ARCN1: variants seen among roughly 807,000 people sequenced by gnomAD.
ARCN1 encodes the protein archain 1 coat protein complex I subunit delta.
In ARCN1, 5 loss-of-function variants were observed where a neutral mutation model predicts 60.4. The ratio of observed to expected loss-of-function variants is 0.08; its 90% CI spans 0.04 to 0.17. The LOEUF (loss-of-function observed/expected upper bound fraction) is 0.17. ARCN1 is among the 10% of genes least tolerant of loss of function. The pLI, the probability that ARCN1 is intolerant of heterozygous loss-of-function variation, is 1.00. For missense variants in ARCN1, 464 were observed against 626.5 expected (o/e 0.74, Z 2.77); for synonymous variants, 224 against 220.0 (o/e 1.02, Z -0.16).
At chr11:118,573,377 G>C (rs1555072832) in intron 1 of ARCN1, among the ~76,000 whole-genome samples, 1 of 152,094 alleles carries the variant, frequency 6.6e-6, no homozygotes, top group Non-Finnish European at 1.5e-5. Flanking sequence ...GCCTTCCCAT[G>C]CGTTATCTTT....
chr11:118,592,557 G>A (rs1180992190), intron 6 of ARCN1, 152 bp from the exon 7 acceptor site: 1 of 530,022 alleles, frequency 1.9e-6, no homozygotes, highest in Non-Finnish European at 3.2e-6. Flanking sequence ...ATAAGTCTTT[G>A]AAGAAGGGAA....
intron 1 of ARCN1, chr11:118,573,831 G>T: frequency 2.1e-6 from 1 of 476,498 alleles, no homozygotes. Context: ...TTTTTGTGTT[G>T]GACACAAAAT....
chr11:118,594,305 G>T (rs1938978536), intron 8 of ARCN1, among the ~76,000 whole-genome samples: 1 of 152,030 alleles, frequency 6.6e-6, no homozygotes, highest in Non-Finnish European at 1.5e-5. Context: ...TTGCTGTGTT[G>T]TGCAGGCTGA....
At chr11:118,573,432 G>A (rs1938404637) in intron 1 of ARCN1, among the ~76,000 whole-genome samples, 1 of 152,168 alleles carries the variant, frequency 6.6e-6, no homozygotes, top group Non-Finnish European at 1.5e-5. Flanking sequence ...ATGTGGTTGA[G>A]GATGGAGGAA....
intron 2 of ARCN1, 60 bp from the exon 3 acceptor site, chr11:118,583,118 CT>C (rs1938697240): frequency 6.4e-7 from 1 of 1,557,658 alleles, no homozygotes; most frequent in Non-Finnish European, 8.8e-7. Context: ...AAGGATAAGA[CT>C]TGGAAATATA....
chr11:118,593,664 G>T lies in ARCN1; in HGVS notation c.1207G>T (p.Glu403Ter). ...ATATGAGCTACAAGAAGATAATTTAGAACTGAATGATGTGGTTATCACCAT... is the reference window on the plus strand; with the variant it reads ...ATATGAGCTACAAGAAGATAATTTATAACTGAATGATGTGGTTATCACCAT... Reference protein sequence around the residue: ...IEYELQEDNLELNDVVITIPL... With the variant: ...IEYELQEDNL Residue 403 changes from glutamate to a stop codon, truncating the protein, a stop_gained, in exon 8 of 10, where the codon GAA becomes TAA. Transcript: ENST00000264028. LOFTEE classifies it high-confidence loss of function. 2 of 1,613,382 alleles carry T rather than the reference G, an allele frequency of 1.2e-6. No homozygotes were observed. The highest frequency in any genetic ancestry group is 2.2e-5 in the South Asian group (2 of 91,040).
At chr11:118,581,112 C>T (rs1938639655) in intron 1 of ARCN1, 134 bp from the exon 2 acceptor site, 1 of 1,153,382 alleles carries the variant, frequency 8.7e-7, no homozygotes, top group Non-Finnish European at 1.2e-6. Flanking sequence ...AGAGTGAGAC[C>T]CTGTCTTAAA....
At chr11:118,576,229 C>T (rs539990013) in intron 1 of ARCN1, among the ~76,000 whole-genome samples, 1 of 151,044 alleles carries the variant, frequency 6.6e-6, no homozygotes, top group Non-Finnish European at 1.5e-5. Flanking sequence ...TTATTTAGTC[C>T]AAAGATAGTG....
chr11:118,600,715 T>C lies in ARCN1; in HGVS notation c.*1T>C. ...AGTGGATAAGTATGAAATTCTGTAATACCAAGAAGAGGGAGCTGAAAAGGA... is the reference window on the plus strand; with the variant it reads ...AGTGGATAAGTATGAAATTCTGTAACACCAAGAAGAGGGAGCTGAAAAGGA... On this transcript the variant is annotated 3_prime_UTR_variant, in exon 10 of 10. Transcript: ENST00000264028. The C allele has an allele frequency of 6.3e-7, 1 of 1,595,126 alleles. No individual in the cohort carries two copies. Among genetic ancestry groups the C allele is most frequent in the South Asian group, 1.1e-5 (1 of 88,024 alleles).
intron 1 of ARCN1, among the ~76,000 whole-genome samples, chr11:118,576,784 T>G (rs558411826): frequency 6.6e-6 from 1 of 152,298 alleles, no homozygotes; most frequent in South Asian, 2.1e-4. Flanking sequence ...TGGGGAACTA[T>G]GGTCCTATTT....
chr11:118,599,887 A>G (rs1316594727), intron 9 of ARCN1, among the ~76,000 whole-genome samples: 1 of 152,166 alleles, frequency 6.6e-6, no homozygotes, highest in Non-Finnish European at 1.5e-5. Flanking sequence ...CCTCCCTTGA[A>G]TGATTCCAAA....
chr11:118,594,319 C>CA (rs1555076807), intron 8 of ARCN1, among the ~76,000 whole-genome samples: 1 of 152,096 alleles, frequency 6.6e-6, no homozygotes, highest in African/African-American at 2.4e-5. Context: ...AGGCTGATCT[C>CA]AAACTCCTGA....
At chr11:118,578,352 A>C (rs958550202) in intron 1 of ARCN1, among the ~76,000 whole-genome samples, 2 of 152,144 alleles carry the variant, frequency 1.3e-5, no homozygotes, top group African/African-American at 2.4e-5. Context: ...TTGAGCCTGT[A>C]AACATTGTTT....
intron 7 of ARCN1, 54 bp downstream of exon 7, chr11:118,592,910 A>G: frequency 1.3e-6 from 2 of 1,498,806 alleles, no homozygotes; most frequent in Non-Finnish European, 9.0e-7. Flanking sequence ...AACTAGAAAT[A>G]GCCCTTGCTG....
Position 118,602,939 on chromosome 11 carries a change from G to T in ARCN1, c.*2225G>T, listed in dbSNP as rs1939179914. 1 of 153,668 alleles carries T rather than the reference G, an allele frequency of 6.5e-6. No individual in the cohort carries two copies. Among genetic ancestry groups the T allele is most frequent in the South Asian group, 2.1e-4 (1 of 4,830 alleles). The allele number at this position is 153,668 out of a possible 1,614,324, so 9.5% of individuals were successfully genotyped here. The stretch of plus-strand genomic sequence containing the variant: ...CGCATTATAAAATGAGATGTTTATT[G>T]GATTATTGACTCACTTTGGTGTCTG... On this transcript the variant is annotated 3_prime_UTR_variant, in exon 10 of 10. Coordinates refer to ENST00000264028, the MANE Select transcript of ARCN1 (RefSeq NM_001655.5).
At chr11:118,593,302 C>T (rs181870843) in intron 7 of ARCN1, among the ~76,000 whole-genome samples, 179 of 151,774 alleles carry the variant, frequency 1.2e-3, no homozygotes, top group African/African-American at 4.2e-3. Context: ...GATCATGGCT[C>T]ATTACAACCT....
At chr11:118,598,488 A>ATTTTTTTTT (rs1174732773) in intron 9 of ARCN1, among the ~76,000 whole-genome samples, 1 of 111,132 alleles carries the variant, frequency 9.0e-6, no homozygotes, top group African/African-American at 3.5e-5. Flanking sequence ...GTTCCTTCGG[A>ATTTTTTTTT]TTTTTTTTTT....
At chr11:118,572,737 C>G (rs1012598818) in intron 1 of ARCN1, 187 bp downstream of exon 1, 2 of 580,634 alleles carry the variant, frequency 3.4e-6, no homozygotes, top group South Asian at 2.8e-5. Flanking sequence ...GGAGCTGACT[C>G]CAGTCCATCT....
intron 5 of ARCN1, among the ~76,000 whole-genome samples, chr11:118,588,497 T>C (rs1405269169): frequency 1.3e-5 from 2 of 152,226 alleles, no homozygotes; most frequent in Non-Finnish European, 2.9e-5. Flanking sequence ...ATTAAAAATA[T>C]TATTAGGTCA....
Sources: gnomAD v4.1 joint callset for allele counts (sites outside exome capture counted in the v4.1 genomes callset) on GRCh38, gnomAD v4.1.1 for gene constraint, MANE v1.5 for transcripts, NCBI Gene and HGNC (gene_info 2026-07-23, HGNC 2026-07-21) for gene names.